Variants in ARFIP1 observed in about 807,000 individuals in gnomAD.
ARFIP1 encodes the protein ARF interacting protein 1.
Under a neutral mutation model 42.5 loss-of-function variants are expected in ARFIP1, and 24 were observed. The observed-to-expected ratio is 0.57, with a 90% CI of 0.41 to 0.80. The LOEUF is 0.80. Among genes scored for constraint, ARFIP1 ranks in the 30% least tolerant of loss-of-function variants. ARFIP1 has a pLI of 0.00. For synonymous variants in ARFIP1, 141 were observed against 153.7 expected, an observed-to-expected ratio of 0.92 and a Z score of 0.61; for missense variants, 354 against 434.0, an observed-to-expected ratio of 0.82 and a Z score of 1.64.
intron 1 of ARFIP1, among the ~76,000 whole-genome samples, chr4:152,788,282 G>A (rs962740201): frequency 6.6e-6 from 1 of 152,208 alleles, no homozygotes; most frequent in Admixed American, 6.5e-5. Flanking sequence ...ATATAGCACA[G>A]TATTCTTACA....
In ARFIP1 at chr4:152,788,916, C is replaced by A. The variant is rs566023711; in HGVS notation, c.-10+8690C>A. 6.1e-5 allele frequency among the ~76,000 whole-genome samples: 9 copies of A among 146,606 alleles called. No homozygotes were observed. In the South Asian group the frequency reaches 1.5e-3, roughly 25 times the overall value. On this transcript the variant is annotated intron_variant, in intron 1 of 8. Coordinates refer to ENST00000353617, the MANE Select transcript of ARFIP1 (RefSeq NM_001025595.3). Reference sequence around the variant, plus strand: ...TCTCAGATTTCCTTGTTTTTGATGACAAGTTGATAGTTTTGAAGATTACTG... The same window carrying A: ...TCTCAGATTTCCTTGTTTTTGATGAAAAGTTGATAGTTTTGAAGATTACTG...
intron 8 of ARFIP1, among the ~76,000 whole-genome samples, chr4:152,890,960 G>A (rs1018673145): frequency 7.9e-5 from 12 of 152,196 alleles, no homozygotes; most frequent in Admixed American, 3.3e-4. Context: ...ATAAACAAGA[G>A]AGAATTATTT....
chr4:152,866,614 C>T (rs1350759336), intron 3 of ARFIP1, among the ~76,000 whole-genome samples: 6 of 151,756 alleles, frequency 4.0e-5, no homozygotes, highest in African/African-American at 1.4e-4. Context: ...CTCTCCTGGA[C>T]GGGGCGGCTG....
chr4:152,906,887 C>T (rs763376910), intron 8 of ARFIP1, among the ~76,000 whole-genome samples: 1 of 152,210 alleles, frequency 6.6e-6, no homozygotes, highest in Admixed American at 6.5e-5. Flanking sequence ...GCTATTTCCT[C>T]TGTGTGGAAT....
chr4:152,876,115 A>C (rs909353795), intron 5 of ARFIP1, among the ~76,000 whole-genome samples: 2 of 152,078 alleles, frequency 1.3e-5, no homozygotes, highest in African/African-American at 4.8e-5. Context: ...TAATACAGTA[A>C]ATTGGTACCA....
In ARFIP1 at chr4:152,868,943, A is replaced by G. The variant is rs544313456; in HGVS notation, c.203-1810A>G. Among the ~76,000 whole-genome samples, 7 of 152,330 alleles carry G rather than the reference A, an allele frequency of 4.6e-5. No individual in the cohort carries two copies. In the East Asian group the frequency reaches 1.2e-3, roughly 25 times the overall value. On this transcript the variant is annotated intron_variant, in intron 3 of 8. Transcript: ENST00000353617. ...AACTATTTTAACTTCTCTGGGCTTC[A>G]TTAATCTTACCGTTTAATGTGACAG...
At chr4:152,848,528 G>A (rs189332667) in intron 2 of ARFIP1, among the ~76,000 whole-genome samples, 3 of 152,244 alleles carry the variant, frequency 2.0e-5, no homozygotes, top group East Asian at 1.9e-4. Context: ...GAGCTAAGTC[G>A]TTTCTTCATT....
chr4:152,789,722 T>A (rs751524152), intron 1 of ARFIP1, among the ~76,000 whole-genome samples: 1 of 152,248 alleles, frequency 6.6e-6, no homozygotes, highest in Non-Finnish European at 1.5e-5. Flanking sequence ...AGTAGTACTT[T>A]ATTACTTTGT....
intron 2 of ARFIP1, among the ~76,000 whole-genome samples, chr4:152,837,668 C>G (rs1357925681): frequency 3.3e-5 from 5 of 152,142 alleles, no homozygotes; most frequent in Admixed American, 6.5e-5. Context: ...ATTGTAGACT[C>G]TGGATATTAG....
rs114122458 is a variant in ARFIP1, at chr4:152,817,436, C to T, written c.-9-12189C>T. On this transcript the variant is annotated intron_variant, in intron 1 of 8. Transcript: ENST00000353617. The stretch of plus-strand genomic sequence containing the variant: ...GCAAAAGAATGATGTTGGACTCTTA[C>T]CTCACACCATATACAAAAATTAACT... Among the ~76,000 whole-genome samples the T allele has an allele frequency of 2.7e-3, 415 of 152,286 alleles. 3 individuals carry two copies. The highest frequency in any genetic ancestry group is 9.7e-3 in the African/African-American group (403 of 41,562).
rs1286443685 is a variant in ARFIP1 at position 152,819,293 on chromosome 4, G to A, written c.-9-10332G>A. Among the ~76,000 whole-genome samples the A allele has an allele frequency of 3.9e-5, 6 of 152,250 alleles. No homozygotes were observed. The South Asian group carries it at 6.2e-4, about 16-fold the overall frequency. On this transcript the variant is annotated intron_variant, in intron 1 of 8. Coordinates refer to ENST00000353617, the MANE Select transcript of ARFIP1 (RefSeq NM_001025595.3). ...TGGCATGACCTCAACTATTGCCATCGCCTGCATCACCCTGGCTAACTAGAA... is the reference window on the plus strand; with the variant it reads ...TGGCATGACCTCAACTATTGCCATCACCTGCATCACCCTGGCTAACTAGAA...
At chr4:152,887,609 A>G (rs1736370457) in intron 7 of ARFIP1, among the ~76,000 whole-genome samples, 1 of 152,128 alleles carries the variant, frequency 6.6e-6, no homozygotes, top group Admixed American at 6.6e-5. Flanking sequence ...AATGAAATAT[A>G]TTGATAACAG....
At position 152,841,949 on chromosome 4, in the gene ARFIP1, A is replaced by C. The variant is rs554879361; in HGVS notation, c.93+12223A>C. ...CCCCAATTCAGCAGGAAGCAGTTAG[A>C]GCGGTCGTCAGCCAACCTCCCCAGC... On this transcript the variant is annotated intron_variant, in intron 2 of 8. Transcript: ENST00000353617. Among the ~76,000 whole-genome samples, 159 of 152,218 alleles carry C rather than the reference A, an allele frequency of 1.0e-3. 1 individual carries two copies. The highest frequency in any genetic ancestry group is 3.5e-3 in the African/African-American group (144 of 41,528).
chr4:152,910,473 A>G lies in ARFIP1; in HGVS notation c.*254A>G, dbSNP rs1738757228. 3.2e-6 allele frequency: 1 copy of G among 310,040 alleles called. No homozygotes were observed. Among genetic ancestry groups the G allele is most frequent in the South Asian group, 8.2e-5 (1 of 12,136 alleles). 19.2% of individuals were successfully genotyped at this position (310,040 alleles called of 1,614,324 possible). A position where few individuals can be genotyped will look rare whatever the true frequency, so the allele number is the denominator to read the frequency against. On this transcript the variant is annotated 3_prime_UTR_variant, in exon 9 of 9. Transcript: ENST00000353617. Reference sequence around the variant, plus strand: ...AAATCCTTTTGTATTGTGAGGGTTGATGGCTATTTCTGTAGTTTGAAAACA... The same window carrying G: ...AAATCCTTTTGTATTGTGAGGGTTGGTGGCTATTTCTGTAGTTTGAAAACA...
At chr4:152,871,595 T>G (rs1734885809) in intron 4 of ARFIP1, among the ~76,000 whole-genome samples, 1 of 40,842 alleles carries the variant, frequency 2.4e-5, no homozygotes, top group South Asian at 8.8e-4. Context: ...GAGAAGAAAT[T>G]TTTGGGGATT....
intron 3 of ARFIP1, among the ~76,000 whole-genome samples, chr4:152,866,551 C>T (rs1245875213): frequency 3.8e-5 from 4 of 105,212 alleles, no homozygotes; most frequent in Admixed American, 1.9e-4. Context: ...GGGGCTGACC[C>T]CCACCTCCCT....
intron 2 of ARFIP1, among the ~76,000 whole-genome samples, chr4:152,857,350 C>T (rs1578945955): frequency 6.6e-6 from 1 of 152,166 alleles, no homozygotes; most frequent in African/African-American, 2.4e-5. Flanking sequence ...AGAAAACATA[C>T]TAACTAAAAT....
At chr4:152,840,697 T>C (rs1731990048) in intron 2 of ARFIP1, among the ~76,000 whole-genome samples, 1 of 151,792 alleles carries the variant, frequency 6.6e-6, no homozygotes, top group African/African-American at 2.4e-5. Flanking sequence ...TTCTTATCCA[T>C]TCTGTGGCTC....
At position 152,911,086 on chromosome 4, in the gene ARFIP1, TC is replaced by T. The variant is rs1561192058; in HGVS notation, c.*869del. The T allele has an allele frequency of 6.6e-6, 1 of 152,638 alleles. No homozygotes were observed. Among genetic ancestry groups the T allele is most frequent in the South Asian group, 2.1e-4 (1 of 4,824 alleles). The allele number at this position is 152,638 out of a possible 1,614,324, so 9.5% of individuals were successfully genotyped here. A position where few individuals can be genotyped will look rare whatever the true frequency, so the allele number is the denominator to read the frequency against. On this transcript the variant is annotated 3_prime_UTR_variant, in exon 9 of 9. Coordinates refer to ENST00000353617, the MANE Select transcript of ARFIP1 (RefSeq NM_001025595.3). ...AATACATAGACAGCTTTTATTGACT[TC>T]CATATGTAACAATACCGTTTAAGCC...
Sources: allele counts gnomAD v4.1 joint callset (sites outside exome capture counted in the v4.1 genomes callset), GRCh38; gene constraint gnomAD v4.1.1; transcripts MANE v1.5; gene names NCBI Gene and HGNC (gene_info 2026-07-23, HGNC 2026-07-21).